Variants in PLCL2 observed in about 807,000 individuals in gnomAD.
PLCL2 encodes the protein phospholipase C like 2, also known as inactive phospholipase C-like protein 2.
In PLCL2, 4 loss-of-function variants were observed where a neutral mutation model predicts 79.6. The ratio of observed to expected loss-of-function variants is 0.05; its 90% CI spans 0.02 to 0.11. The LOEUF (loss-of-function observed/expected upper bound fraction) is 0.11. PLCL2 is among the 10% of genes least tolerant of loss of function. The pLI, the probability that PLCL2 is intolerant of heterozygous loss-of-function variation, is 1.00. For missense variants in PLCL2, 895 were observed against 1,291.0 expected, an observed-to-expected ratio of 0.69 and a Z score of 4.70; for synonymous variants, 484 against 457.7, an observed-to-expected ratio of 1.06 and a Z score of -0.73.
intron 1 of PLCL2, among the ~76,000 whole-genome samples, chr3:16,909,789 G>A (rs546286942): frequency 2.6e-5 from 4 of 152,190 alleles, no homozygotes; most frequent in South Asian, 2.1e-4. Flanking sequence ...TAGCTTAAAC[G>A]CCATCTTTTT....
At chr3:17,036,024 A>C (rs983733551) in intron 3 of PLCL2, among the ~76,000 whole-genome samples, 6 of 152,288 alleles carry the variant, frequency 3.9e-5, no homozygotes, top group African/African-American at 4.8e-5. Context: ...ATGAAGTTTC[A>C]TAAGAAACCT....
chr3:17,025,354 C>T (rs75464553), intron 3 of PLCL2, among the ~76,000 whole-genome samples: 3,177 of 152,100 alleles, frequency 0.021, 66 homozygotes, highest in Admixed American at 0.049. Context: ...TGTTACATGT[C>T]CAGTGGAGTT....
intron 1 of PLCL2, among the ~76,000 whole-genome samples, chr3:16,975,216 C>T (rs367912476): frequency 1.3e-5 from 2 of 152,180 alleles, no homozygotes; most frequent in East Asian, 1.9e-4. Flanking sequence ...CCTTGACATA[C>T]AGACTTGTCA....
At chr3:16,915,024 C>T (rs969557853) in intron 1 of PLCL2, among the ~76,000 whole-genome samples, 1 of 152,154 alleles carries the variant, frequency 6.6e-6, no homozygotes, top group African/African-American at 2.4e-5. Flanking sequence ...GAGCCACTGC[C>T]TCTGGCCTAA....
chr3:16,920,319 T>C (rs184152328), intron 1 of PLCL2, among the ~76,000 whole-genome samples: 11 of 152,208 alleles, frequency 7.2e-5, no homozygotes, highest in Admixed American at 3.9e-4. Context: ...TAAAATTATA[T>C]TTATTAGATA....
At chr3:16,941,575 C>T (rs1002848725) in intron 1 of PLCL2, among the ~76,000 whole-genome samples, 9 of 152,172 alleles carry the variant, frequency 5.9e-5, no homozygotes, top group Admixed American at 5.2e-4. Context: ...ATACTGCATG[C>T]TTTTTGCCTC....
chr3:17,041,473 C>T (rs926260915), intron 3 of PLCL2, among the ~76,000 whole-genome samples: 9 of 152,162 alleles, frequency 5.9e-5, no homozygotes, highest in African/African-American at 2.2e-4. Flanking sequence ...TTGATAAATA[C>T]TATCTGACTA....
At chr3:17,070,713 G>A (rs1329848311) in intron 5 of PLCL2, among the ~76,000 whole-genome samples, 3 of 152,108 alleles carry the variant, frequency 2.0e-5, no homozygotes, top group African/African-American at 7.2e-5. Context: ...TTTTCCTGGC[G>A]GGAGGGCATG....
rs1369577070 is a variant in PLCL2, at chr3:17,042,935, A to G, written c.3080A>G (p.His1027Arg). The G allele has an allele frequency of 6.8e-6, 11 of 1,610,014 alleles. No individual in the cohort carries two copies. Among genetic ancestry groups the G allele is most frequent in the East Asian group, 2.2e-5 (1 of 44,844 alleles). Residue 1027 changes from histidine (H) to arginine (R), a missense_variant, in exon 4 of 6, where the codon CAT becomes CGT. Physicochemically the swap from His to Arg is conservative, Grantham distance 29 (BLOSUM62 0). Around this residue, in one of 6 missense-constraint regions of PLCL2, gnomAD observed 298 missense variants for 459.6 expected, o/e 0.65. Coordinates refer to ENST00000615277, the MANE Select transcript of PLCL2 (RefSeq NM_001144382.2). Reference protein sequence around the residue: ...NADAVYEKIVHCQKAAMEFHE... With the variant: ...NADAVYEKIVRCQKAAMEFHE... ...GATGCTGTATATGAAAAGATCGTAC[A>G]TTGTCAGAAGGCAGGTAAGTGAAAG... is the stretch of plus-strand genomic sequence containing the variant.
chr3:17,022,848 G>T (rs2064470853), intron 3 of PLCL2, among the ~76,000 whole-genome samples: 1 of 152,148 alleles, frequency 6.6e-6, no homozygotes, highest in Non-Finnish European at 1.5e-5. Context: ...TCTCTTATGA[G>T]GGAGGTAGAT....
chr3:17,061,722 T>C (rs1255180572), intron 4 of PLCL2, among the ~76,000 whole-genome samples: 1 of 152,084 alleles, frequency 6.6e-6, no homozygotes, highest in East Asian at 1.9e-4. Flanking sequence ...TTCAATAATG[T>C]AATTTTGTAT....
intron 2 of PLCL2, among the ~76,000 whole-genome samples, chr3:17,012,881 G>C (rs995469117): frequency 6.6e-6 from 1 of 152,178 alleles, no homozygotes; most frequent in Non-Finnish European, 1.5e-5. Flanking sequence ...CTGTCATAGT[G>C]TGTGAGAAGT....
chr3:17,055,405 A>G (rs567164232), intron 4 of PLCL2, among the ~76,000 whole-genome samples: 13 of 152,272 alleles, frequency 8.5e-5, no homozygotes, highest in Non-Finnish European at 1.9e-4. Context: ...GGAAATGACC[A>G]CAAAGACAAC....
intron 1 of PLCL2, among the ~76,000 whole-genome samples, chr3:16,986,282 A>C (rs2064049548): frequency 6.6e-6 from 1 of 152,156 alleles, no homozygotes; most frequent in Admixed American, 6.5e-5. Flanking sequence ...AAGGTAATGC[A>C]TATGGTTCCC....
At chr3:16,981,454 T>C (rs2063997007) in intron 1 of PLCL2, among the ~76,000 whole-genome samples, 1 of 152,164 alleles carries the variant, frequency 6.6e-6, no homozygotes, top group Admixed American at 6.5e-5. Context: ...CTAGGAGAAA[T>C]GTGTAATGTC....
chr3:17,076,555 T>A lies in PLCL2; in HGVS notation c.3204+8490T>A, dbSNP rs2065109846. Among the ~76,000 whole-genome samples the A allele has an allele frequency of 2.0e-5, 3 of 152,020 alleles. No individual in the cohort carries two copies. The South Asian group carries it at 6.2e-4, about 32-fold the overall frequency. ...GATCTCACTCTTGCCCAGGCTGGAG[T>A]GCAGTGGCGTGAACACTACTCATTG... On this transcript the variant is annotated intron_variant, in intron 5 of 5. Transcript: ENST00000615277.
intron 2 of PLCL2, 50 bp downstream of exon 2, chr3:17,012,210 A>G (rs753615522): frequency 2.7e-6 from 4 of 1,498,524 alleles, no homozygotes; most frequent in Non-Finnish European, 3.6e-6. Context: ...TACTTTGTAC[A>G]TGTCCATAGT....
intron 1 of PLCL2, among the ~76,000 whole-genome samples, chr3:16,931,913 A>G (rs985440653): frequency 2.6e-5 from 4 of 152,228 alleles, no homozygotes; most frequent in Non-Finnish European, 4.4e-5. Flanking sequence ...TAATTAGGTC[A>G]TGAAGGAGGA....
intron 1 of PLCL2, among the ~76,000 whole-genome samples, chr3:16,972,343 CA>C (rs1464451075): frequency 6.6e-6 from 1 of 152,114 alleles, no homozygotes; most frequent in Non-Finnish European, 1.5e-5. Context: ...TTTTATTGTG[CA>C]GTGGTTTTGA....
Sources: gnomAD v4.1 joint callset for allele counts (sites outside exome capture counted in the v4.1 genomes callset) on GRCh38, gnomAD v4.1.1 for gene constraint, gnomAD v4.1.1 regional missense constraint, MANE v1.5 for transcripts, NCBI Gene and HGNC (gene_info 2026-07-23, HGNC 2026-07-21) for gene names.